Variants in PYHIN1 observed in about 807,000 individuals in gnomAD.
PYHIN1 encodes the protein pyrin and HIN domain-containing protein 1.
PYHIN1 carries 32 observed loss-of-function variants against 43.7 expected under a neutral mutation model. The ratio of observed to expected loss-of-function variants is 0.73; its 90% CI spans 0.55 to 0.98. PYHIN1 has a LOEUF of 0.98. Ranked by LOEUF, PYHIN1 falls within the 50% of genes least tolerant of loss-of-function variation. The pLI is 0.00. For synonymous variants in PYHIN1, 205 were observed against 203.1 expected (o/e 1.01, Z -0.08); for missense variants, 588 against 589.5 (o/e 1.00, Z 0.03).
downstream of PYHIN1, among the ~76,000 whole-genome samples, chr1:158,978,804 G>A (rs556424875): frequency 3.1e-4 from 47 of 152,244 alleles, no homozygotes; most frequent in African/African-American, 1.1e-3. Context: ...TTTAAACAGC[G>A]TCAACCTCTA....
chr1:158,943,049 T>C (rs1344772974), intron 5 of PYHIN1, among the ~76,000 whole-genome samples: 1 of 152,172 alleles, frequency 6.6e-6, no homozygotes, highest in Admixed American at 6.5e-5. Flanking sequence ...ACTGTCAAAA[T>C]TCACGAAACT....
chr1:158,953,110 G>A (rs1649668652), intron 7 of PYHIN1, among the ~76,000 whole-genome samples: 1 of 152,174 alleles, frequency 6.6e-6, no homozygotes, highest in Non-Finnish European at 1.5e-5. Flanking sequence ...CTACGCCCAC[G>A]GGTCTCGCTG....
chr1:158,981,162 G>A (rs1251791965), downstream of PYHIN1, among the ~76,000 whole-genome samples: 1 of 152,048 alleles, frequency 6.6e-6, no homozygotes. Context: ...CACTGTTAAT[G>A]GCCATCTAGA....
intron 7 of PYHIN1, among the ~76,000 whole-genome samples, chr1:158,964,786 A>G (rs1650529772): frequency 6.6e-6 from 1 of 152,150 alleles, no homozygotes; most frequent in South Asian, 2.1e-4. Context: ...CAGAAACACA[A>G]TTAAGTACAC....
chr1:158,932,846 T>C (rs774150296), intron 1 of PYHIN1, among the ~76,000 whole-genome samples: 57 of 152,176 alleles, frequency 3.7e-4, no homozygotes, highest in Non-Finnish European at 7.1e-4. Context: ...TGGCAATGTA[T>C]AGGGGAGAGG....
chr1:158,979,541 T>TAC (rs770306302), downstream of PYHIN1, among the ~76,000 whole-genome samples: 2 of 152,198 alleles, frequency 1.3e-5, no homozygotes, highest in Non-Finnish European at 2.9e-5. Context: ...CCATTATATA[T>TAC]ACACACCACA....
At chr1:158,951,650 T>G (rs1323491229) in intron 7 of PYHIN1, among the ~76,000 whole-genome samples, 1 of 152,240 alleles carries the variant, frequency 6.6e-6, no homozygotes. Flanking sequence ...GAACTACTTT[T>G]GTAGTTAAAA....
rs779866400 is a variant in PYHIN1, at chr1:158,943,825, T to C, written c.1038T>C (p.Ile346=). 6.2e-7 allele frequency: 1 copy of C among 1,602,608 alleles called. No homozygotes were observed. The highest frequency in any genetic ancestry group is 8.5e-7 in the Non-Finnish European group (1 of 1,174,052). The stretch of plus-strand genomic sequence containing the variant: ...ATAGGAAGACGACAATCTATGAAAT[T>C]CAGGATAAAACAGGAAGTATGGCTG... The part of the protein sequence containing the change: ...IVNRKTTIYE[I]QDKTGSMAVV... The change falls in exon 6 of 9, where the codon ATT becomes ATC. Residue 346 remains isoleucine, a synonymous_variant. Coordinates refer to ENST00000368140, the MANE Select transcript of PYHIN1 (RefSeq NM_152501.5).
chr1:158,981,452 C>G (rs1651480059), downstream of PYHIN1, among the ~76,000 whole-genome samples: 1 of 152,096 alleles, frequency 6.6e-6, no homozygotes, highest in Non-Finnish European at 1.5e-5. Context: ...GCCTGGGGGA[C>G]AAGAGCGAGA....
At chr1:158,973,585 GA>G in intron 7 of PYHIN1, 61 bp from the exon 8 acceptor site, 2 of 1,587,628 alleles carry the variant, frequency 1.3e-6, no homozygotes, top group Admixed American at 1.7e-5. Context: ...ATATTAAGCA[GA>G]AAAAACCAGT....
At chr1:158,958,038 A>C (rs1445638857) in intron 7 of PYHIN1, among the ~76,000 whole-genome samples, 2 of 152,394 alleles carry the variant, frequency 1.3e-5, no homozygotes, top group East Asian at 1.9e-4. Context: ...GAGAAATGCC[A>C]ATCTAAACCA....
At position 158,944,881 on chromosome 1, in the gene PYHIN1, A is replaced by G. The variant is rs2101664274; in HGVS notation, c.1198A>G (p.Lys400Glu). The stretch of plus-strand genomic sequence containing the variant: ...AAAAAATGAATACTTTCAGATACAG[A>G]AAAATACAAACCAGAGAAGCCATGA... ...SEMHSFIQIQ[K>E]NTNQRSHDSR... Residue 400 changes from lysine (K) to glutamate (E), a missense_variant, in exon 7 of 9, where the codon AAA becomes GAA. Physicochemically the swap from Lys to Glu is moderately conservative, Grantham distance 56 (BLOSUM62 1). Coordinates refer to ENST00000368140, the MANE Select transcript of PYHIN1 (RefSeq NM_152501.5). The G allele has an allele frequency of 6.4e-7, 1 of 1,571,754 alleles. No homozygotes were observed. Among genetic ancestry groups the G allele is most frequent in the Middle Eastern group, 1.7e-4 (1 of 5,806 alleles).
At chr1:158,975,811 T>C (rs1454325186) in intron 8 of PYHIN1, among the ~76,000 whole-genome samples, 1 of 152,094 alleles carries the variant, frequency 6.6e-6, no homozygotes. Flanking sequence ...AGAGACATAG[T>C]TGTTAAAACA....
chr1:158,989,075 G>C, the PYHIN1 span, among the ~76,000 whole-genome samples: 1 of 152,080 alleles, frequency 6.6e-6, no homozygotes, highest in Non-Finnish European at 1.5e-5. Context: ...CTTCTGTCTG[G>C]TTCTTCCCTT....
chr1:158,944,938 A>G lies in PYHIN1; in HGVS notation c.1255A>G (p.Ser419Gly). ...SRSMALPQEQ[S>G]QHPKPSEAST... Reference sequence around the variant, plus strand: ...GAGCATGGCACTACCCCAGGAACAGAGTCAGCATCCAAAACCTTCAGAGGC... The same window carrying G: ...GAGCATGGCACTACCCCAGGAACAGGGTCAGCATCCAAAACCTTCAGAGGC... The change falls in exon 7 of 9, where the codon AGT becomes GGT. Residue 419 changes from serine (S) to glycine (G), a missense_variant. Transcript: ENST00000368140. 6.2e-7 allele frequency: 1 copy of G among 1,613,846 alleles called. No individual in the cohort carries two copies. The highest frequency in any genetic ancestry group is 8.5e-7 in the Non-Finnish European group (1 of 1,179,834).
At chr1:158,972,771 A>T (rs113862356) in intron 7 of PYHIN1, among the ~76,000 whole-genome samples, 3 of 151,858 alleles carry the variant, frequency 2.0e-5, no homozygotes, top group Non-Finnish European at 2.9e-5. Flanking sequence ...TTCAAGCAAG[A>T]CCTCCTGATA....
intron 7 of PYHIN1, among the ~76,000 whole-genome samples, chr1:158,969,392 G>C (rs1229284584): frequency 1.3e-5 from 2 of 151,882 alleles, no homozygotes; most frequent in East Asian, 3.9e-4. Flanking sequence ...GGAAAACTGA[G>C]TCACTATCTT....
intron 5 of PYHIN1, 130 bp downstream of exon 5, chr1:158,942,529 G>A (rs1648984077): frequency 3.0e-6 from 2 of 670,694 alleles, no homozygotes; most frequent in South Asian, 2.3e-5. Flanking sequence ...CTACTGACAA[G>A]TAGATAAAGT....
the PYHIN1 span, among the ~76,000 whole-genome samples, chr1:158,986,343 G>A: frequency 6.6e-6 from 1 of 152,126 alleles, no homozygotes; most frequent in African/African-American, 2.4e-5. Context: ...TAGTTGATCG[G>A]CTTTGTTTCT....
Sources: gnomAD v4.1 joint callset for allele counts (sites outside exome capture counted in the v4.1 genomes callset) on GRCh38, gnomAD v4.1.1 for gene constraint, MANE v1.5 for transcripts, NCBI Gene and HGNC (gene_info 2026-07-23, HGNC 2026-07-21) for gene names.